The following ZYG11A variants were observed in gnomAD, a reference collection of about 807,000 sequenced individuals.
ZYG11A encodes the protein protein zyg-11 homolog A.
ZYG11A carries 62 observed loss-of-function variants against 77.2 expected under a neutral mutation model. That is an observed-to-expected ratio of 0.80 (90% CI 0.65 to 0.99). The LOEUF (loss-of-function observed/expected upper bound fraction) is 0.99. Among genes scored for constraint, ZYG11A ranks in the 50% least tolerant of loss-of-function variants. The probability of loss-of-function intolerance (pLI) is 0.00; values close to 1 mark genes in which losing one functional copy is unlikely to be tolerated. For synonymous variants in ZYG11A, 315 were observed against 324.6 expected (o/e 0.97, Z 0.32); for missense variants, 828 against 896.8 (o/e 0.92, Z 0.98).
Position 52,857,463 on chromosome 1 carries a change from T to A in ZYG11A, c.722T>A (p.Leu241Gln). 6.4e-7 allele frequency: 1 copy of A among 1,552,278 alleles called. No homozygotes were observed. The highest frequency in any genetic ancestry group is 8.7e-7 in the Non-Finnish European group (1 of 1,147,118). The change falls in exon 3 of 14, where the codon CTG becomes CAG. Residue 241 changes from leucine to glutamine, a missense_variant. Transcript: ENST00000371528. ...KSLTMHYLKC[L>Q]AMTKSQILAV... The stretch of plus-strand genomic sequence containing the variant: ...CTCACAATGCACTATCTGAAATGCC[T>A]GGCCATGACCAAATCACAAATTCTT...
At position 52,890,901 on chromosome 1, in the gene ZYG11A, C is replaced by CTT. The variant is rs571495874; in HGVS notation, c.2105-1878_2105-1877dup. Among the ~76,000 whole-genome samples the CTT allele has an allele frequency of 4.4e-3, 670 of 151,628 alleles. 1 individual carries two copies. Among genetic ancestry groups the CTT allele is most frequent in the Non-Finnish European group, 7.2e-3 (489 of 67,924 alleles). On this transcript the variant is annotated intron_variant, in intron 13 of 13. Coordinates refer to ENST00000371528, the MANE Select transcript of ZYG11A (RefSeq NM_001004339.3). ...TCTTTAACTGGGTCTAAATCTTTTT[C>CTT]TTTTCTTTTCTTTTTTGAGACAGTT...
intron 5 of ZYG11A, among the ~76,000 whole-genome samples, chr1:52,865,342 A>G (rs1646005565): frequency 6.6e-6 from 1 of 152,218 alleles, no homozygotes; most frequent in Non-Finnish European, 1.5e-5. Context: ...CAGAGTATAT[A>G]AAGAACTCAA....
intron 12 of ZYG11A, 46 bp from the exon 13 acceptor site, chr1:52,886,910 G>T: frequency 1.1e-6 from 1 of 927,358 alleles, no homozygotes; most frequent in African/African-American, 1.6e-5. Context: ...CTGAGCACTG[G>T]CCTAACTGTT....
At chr1:52,844,921 T>G (rs1433855676) in intron 1 of ZYG11A, among the ~76,000 whole-genome samples, 1 of 152,102 alleles carries the variant, frequency 6.6e-6, no homozygotes, top group Non-Finnish European at 1.5e-5. Context: ...TACACAGTCA[T>G]ATTATTTTCT....
At chr1:52,849,540 G>T (rs1320362071) in intron 1 of ZYG11A, among the ~76,000 whole-genome samples, 1 of 151,262 alleles carries the variant, frequency 6.6e-6, no homozygotes, top group Admixed American at 6.6e-5. Flanking sequence ...TAATTTTTTT[G>T]TATTTTTAGT....
intron 1 of ZYG11A, among the ~76,000 whole-genome samples, chr1:52,845,735 G>A (rs1263915590): frequency 1.3e-5 from 2 of 150,804 alleles, no homozygotes; most frequent in Non-Finnish European, 2.9e-5. Context: ...GGAGGAGAGA[G>A]TCTCACTCTG....
At chr1:52,881,058 G>C (rs1164321119) in intron 10 of ZYG11A, among the ~76,000 whole-genome samples, 1 of 152,142 alleles carries the variant, frequency 6.6e-6, no homozygotes, top group Non-Finnish European at 1.5e-5. Flanking sequence ...AAAAGATAAC[G>C]TAACATTGAG....
At chr1:52,875,290 G>A (rs1469697255) in intron 8 of ZYG11A, among the ~76,000 whole-genome samples, 1 of 152,180 alleles carries the variant, frequency 6.6e-6, no homozygotes, top group Non-Finnish European at 1.5e-5. Flanking sequence ...GAATAGGATG[G>A]AATAGCAAAT....
chr1:52,853,972 A>G (rs1293212801), intron 1 of ZYG11A, among the ~76,000 whole-genome samples: 2 of 152,158 alleles, frequency 1.3e-5, no homozygotes, highest in East Asian at 1.9e-4. Flanking sequence ...CGGGTTCAGT[A>G]TATGTGAATT....
chr1:52,851,135 C>T (rs1173547121), intron 1 of ZYG11A, among the ~76,000 whole-genome samples: 4 of 151,906 alleles, frequency 2.6e-5, no homozygotes, highest in Admixed American at 2.6e-4. Flanking sequence ...GCCTTGACCT[C>T]CTGGGCTCAA....
In ZYG11A at chr1:52,857,549, A is replaced by G. The variant is rs1239330330; in HGVS notation, c.808A>G (p.Lys270Glu). 1 of 1,552,072 alleles carries G rather than the reference A, an allele frequency of 6.4e-7. No individual in the cohort carries two copies. Among genetic ancestry groups the G allele is most frequent in the Non-Finnish European group, 8.7e-7 (1 of 1,147,036 alleles). ...TGATATTTCTGATCACAGGCAACTC[A>G]AATCAGACCTAGCTTTTCATTTGCT... ...HLDISDHRQL[K>E]SDLAFHLLQQ... Residue 270 changes from lysine (K) to glutamate (E), a missense_variant, in exon 3 of 14, where the codon AAA (lysine) becomes GAA (glutamate). Coordinates refer to ENST00000371528, the MANE Select transcript of ZYG11A (RefSeq NM_001004339.3).
At position 52,844,092 on chromosome 1, in the gene ZYG11A, C is replaced by A. The variant is rs545179672; in HGVS notation, c.90+1119C>A. Among the ~76,000 whole-genome samples, 50 of 152,300 alleles carry A rather than the reference C, an allele frequency of 3.3e-4. No individual in the cohort carries two copies. In the South Asian group the frequency reaches 4.3e-3, roughly 13 times the overall value. Reference sequence around the variant, plus strand: ...GTTGGGAGCTCTGAAATTTAGTTGACTTGCTCGTGAACTTGAATTTCACCT... The same window carrying A: ...GTTGGGAGCTCTGAAATTTAGTTGAATTGCTCGTGAACTTGAATTTCACCT... On this transcript the variant is annotated intron_variant, in intron 1 of 13. Coordinates refer to ENST00000371528, the MANE Select transcript of ZYG11A (RefSeq NM_001004339.3).
chr1:52,886,469 A>G (rs1328225273), intron 12 of ZYG11A, among the ~76,000 whole-genome samples: 1 of 152,192 alleles, frequency 6.6e-6, no homozygotes, highest in African/African-American at 2.4e-5. Flanking sequence ...GCTTCATTGT[A>G]TGCTCGGTCA....
At chr1:52,848,105 G>A (rs532678748) in intron 1 of ZYG11A, among the ~76,000 whole-genome samples, 208 of 152,174 alleles carry the variant, frequency 1.4e-3, no homozygotes, top group African/African-American at 4.5e-3. Context: ...TCCTGACCTC[G>A]TGATCCGCCT....
At chr1:52,886,341 C>T (rs913218191) in intron 12 of ZYG11A, among the ~76,000 whole-genome samples, 4 of 152,098 alleles carry the variant, frequency 2.6e-5, no homozygotes, top group East Asian at 3.8e-4. Context: ...AAAGTCATTT[C>T]TAGAAGGTCA....
chr1:52,862,319 T>G (rs1461127034), intron 4 of ZYG11A, among the ~76,000 whole-genome samples: 1 of 150,982 alleles, frequency 6.6e-6, no homozygotes, highest in Non-Finnish European at 1.5e-5. Flanking sequence ...TTTTGGTTTT[T>G]TTTTTTTTTT....
intron 1 of ZYG11A, among the ~76,000 whole-genome samples, chr1:52,843,508 TG>T (rs1645494548): frequency 6.6e-6 from 1 of 152,174 alleles, no homozygotes; most frequent in African/African-American, 2.4e-5. Flanking sequence ...TTAGTCCGGC[TG>T]GGGGAACTGG....
intron 11 of ZYG11A, among the ~76,000 whole-genome samples, chr1:52,883,231 C>T (rs935376157): frequency 6.6e-6 from 1 of 151,804 alleles, no homozygotes; most frequent in African/African-American, 2.4e-5. Context: ...ATACTCCTGC[C>T]TCAGCTTCCC....
At chr1:52,884,129 C>T (rs1646406571) in intron 11 of ZYG11A, among the ~76,000 whole-genome samples, 1 of 152,130 alleles carries the variant, frequency 6.6e-6, no homozygotes, top group Admixed American at 6.5e-5. Context: ...ATCCACCCAC[C>T]TCGGCCTCCC....
Sources: allele counts gnomAD v4.1 joint callset (sites outside exome capture counted in the v4.1 genomes callset), GRCh38; gene constraint gnomAD v4.1.1; transcripts MANE v1.5; gene names NCBI Gene and HGNC (gene_info 2026-07-23, HGNC 2026-07-21).